COMMD6: variants seen among roughly 807,000 people sequenced by gnomAD.
COMMD6 encodes the protein COMM domain containing 6, also known as COMM domain-containing protein 6.
A neutral mutation model predicts 13.4 loss-of-function variants in COMMD6; 11 were observed. The observed-to-expected ratio is 0.82, with a 90% confidence interval of 0.52 to 1.36. The LOEUF (loss-of-function observed/expected upper bound fraction) is 1.36, where lower values mean the gene tolerates loss of function less well. Among genes scored for constraint, COMMD6 ranks in the 40% most tolerant of loss-of-function variants. COMMD6 has a pLI of 0.00. For synonymous variants in COMMD6, 43 were observed against 36.5 expected (o/e 1.18, Z -0.64); for missense variants, 124 against 102.4 (o/e 1.21, Z -0.91).
At chr13:75,548,189 A>G (rs1366954297) in intron 1 of COMMD6, among the ~76,000 whole-genome samples, 1 of 152,246 alleles carries the variant, frequency 6.6e-6, no homozygotes, top group Non-Finnish European at 1.5e-5. Flanking sequence ...AGTCCAGCAG[A>G]GACTAAGAGT....
upstream of COMMD6, among the ~76,000 whole-genome samples, chr13:75,542,711 C>T (rs959676550): frequency 1.3e-5 from 2 of 152,176 alleles, no homozygotes; most frequent in Admixed American, 6.5e-5. Flanking sequence ...TTCTTGGATT[C>T]CTCAGATGAG....
chr13:75,537,538 C>T, intron 2 of COMMD6, 126 bp downstream of exon 2: 1 of 1,591,026 alleles, frequency 6.3e-7, no homozygotes, highest in African/African-American at 1.3e-5. Context: ...GCAAGAGGGA[C>T]GGCTGAAGGT....
chr13:75,532,476 T>G (rs1188572149), intron 2 of COMMD6, among the ~76,000 whole-genome samples: 1 of 152,218 alleles, frequency 6.6e-6, no homozygotes, highest in African/African-American at 2.4e-5. Flanking sequence ...AAATGCTTAA[T>G]AAATATTGGG....
In COMMD6 at chr13:75,525,928, A is replaced by T. The variant is rs2030232026; in HGVS notation, c.*661T>A. On this transcript the variant is annotated 3_prime_UTR_variant, in exon 4 of 4. Coordinates refer to ENST00000682242, the MANE Select transcript of COMMD6 (RefSeq NM_203495.4). ...TCAACAGAGATCATCTAATGCAATAACTTGTGCTAACGGGTTAACTCCGTC... is the reference window on the plus strand; with the variant it reads ...TCAACAGAGATCATCTAATGCAATATCTTGTGCTAACGGGTTAACTCCGTC... The T allele has an allele frequency of 1.3e-5, 2 of 152,242 alleles. No homozygotes were observed. 9.4% of individuals were successfully genotyped at this position (152,242 alleles called of 1,614,324 possible).
At chr13:75,535,053 A>G (rs1441552420) in intron 2 of COMMD6, among the ~76,000 whole-genome samples, 6 of 152,258 alleles carry the variant, frequency 3.9e-5, no homozygotes, top group Admixed American at 1.3e-4. Flanking sequence ...TGACAGAGTG[A>G]CAAGAAAGGC....
chr13:75,549,402 G>A (rs1193779815), exon 1 of COMMD6: 3 of 194,890 alleles, frequency 1.5e-5, no homozygotes, highest in Non-Finnish European at 3.1e-5. Flanking sequence ...GGACTCCGCG[G>A]CACGCCTCCT....
At chr13:75,546,276 A>C (rs997678928) in intron 1 of COMMD6, among the ~76,000 whole-genome samples, 1 of 152,232 alleles carries the variant, frequency 6.6e-6, no homozygotes, top group Non-Finnish European at 1.5e-5. Context: ...TGGTGAGGCA[A>C]ATATGGACTA....
intron 1 of COMMD6, among the ~76,000 whole-genome samples, chr13:75,548,294 C>T (rs2030947607): frequency 6.6e-6 from 1 of 152,228 alleles, no homozygotes. Context: ...AGTATAGCAG[C>T]AATCCATTAG....
At chr13:75,543,188 G>A (rs568782180), upstream of COMMD6, among the ~76,000 whole-genome samples, 4 of 152,314 alleles carry the variant, frequency 2.6e-5, no homozygotes, top group South Asian at 8.3e-4. Context: ...GGTAGAGAGT[G>A]GGAGGAAGGC....
Position 75,537,815 on chromosome 13 carries a change from C to A in COMMD6, c.-10G>T. On this transcript the variant is annotated 5_prime_UTR_variant, in exon 1 of 4. Transcript: ENST00000682242. The stretch of plus-strand genomic sequence containing the variant: ...CGCTGGACGCCTCCATGGGCAGCGT[C>A]TGGGACTTGCGGCCCGGACTCGAGA... 1 of 1,594,976 alleles carries A rather than the reference C, an allele frequency of 6.3e-7. No individual in the cohort carries two copies. Among genetic ancestry groups the A allele is most frequent in the Non-Finnish European group, 8.6e-7 (1 of 1,168,182 alleles).
chr13:75,541,414 T>C (rs1483605587), upstream of COMMD6, among the ~76,000 whole-genome samples: 3 of 151,788 alleles, frequency 2.0e-5, no homozygotes, highest in Non-Finnish European at 4.4e-5. Flanking sequence ...TCTCCATACA[T>C]TGTTGGAGAG....
intron 2 of COMMD6, among the ~76,000 whole-genome samples, chr13:75,532,729 T>G (rs1434900372): frequency 1.3e-5 from 2 of 152,198 alleles, no homozygotes; most frequent in African/African-American, 4.8e-5. Context: ...TTATCTGTCT[T>G]AAAGTAGATG....
chr13:75,531,544 A>T (rs1357675014), intron 2 of COMMD6, among the ~76,000 whole-genome samples: 2 of 152,218 alleles, frequency 1.3e-5, no homozygotes, highest in Non-Finnish European at 2.9e-5. Context: ...ATTCATTTTA[A>T]AGAAAAGTTC....
rs951281449 is a variant in COMMD6 at position 75,525,561 on chromosome 13, T to C, written c.*1028A>G. ...AGAGGGTGGGTAATAGAAATGTCTG[T>C]GGGTAGTTGGTATGCACAAATGGCC... On this transcript the variant is annotated 3_prime_UTR_variant, in exon 4 of 4. Coordinates refer to ENST00000682242, the MANE Select transcript of COMMD6 (RefSeq NM_203495.4). 24 of 152,326 alleles carry C rather than the reference T, an allele frequency of 1.6e-4. No individual in the cohort carries two copies. Among genetic ancestry groups the C allele is most frequent in the African/African-American group, 5.8e-4 (24 of 41,568 alleles). The allele number at this position is 152,326 out of a possible 1,614,324, so 9.4% of individuals were successfully genotyped here.
upstream of COMMD6, among the ~76,000 whole-genome samples, chr13:75,539,285 C>G (rs1386111120): frequency 6.6e-6 from 1 of 151,852 alleles, no homozygotes; most frequent in African/African-American, 2.4e-5. Context: ...GTCACCCAGA[C>G]TGGAGTGCAG....
At chr13:75,546,723 T>C (rs1351889713) in intron 1 of COMMD6, among the ~76,000 whole-genome samples, 1 of 152,242 alleles carries the variant, frequency 6.6e-6, no homozygotes, top group African/African-American at 2.4e-5. Flanking sequence ...CATGACACTA[T>C]GACACTGTGC....
At position 75,537,762 on chromosome 13, in the gene COMMD6, A is replaced by G. The variant is rs1239105106; in HGVS notation, c.42+2T>C. The G allele has an allele frequency of 1.2e-6, 2 of 1,613,678 alleles. No individual in the cohort carries two copies. The highest frequency in any genetic ancestry group is 2.2e-5 in the East Asian group (1 of 44,850). ...CCACTCTCCTTCCAGGTTGGAACTC[A>G]CATCGGACTTAGCATCCAGCGGCGG... On this transcript the variant is annotated splice_donor_variant, in intron 1 of 3. Coordinates refer to ENST00000682242, the MANE Select transcript of COMMD6 (RefSeq NM_203495.4). LOFTEE classifies it high-confidence loss of function.
intron 1 of COMMD6, among the ~76,000 whole-genome samples, chr13:75,544,707 G>C (rs2030876224): frequency 6.6e-6 from 1 of 152,078 alleles, no homozygotes; most frequent in Non-Finnish European, 1.5e-5. Flanking sequence ...AGGTTGCAGT[G>C]AGCAGAGATC....
intron 2 of COMMD6, among the ~76,000 whole-genome samples, chr13:75,532,449 C>A (rs999077245): frequency 6.6e-6 from 1 of 152,212 alleles, no homozygotes; most frequent in Non-Finnish European, 1.5e-5. Flanking sequence ...ACCATAAATG[C>A]ACACCTAGCA....
Sources: gnomAD v4.1 joint callset for allele counts (sites outside exome capture counted in the v4.1 genomes callset) on GRCh38, gnomAD v4.1.1 for gene constraint, MANE v1.5 for transcripts, NCBI Gene and HGNC (gene_info 2026-07-23, HGNC 2026-07-21) for gene names.